LPP: variants seen among roughly 807,000 people sequenced by gnomAD.
LPP encodes the protein lipoma-preferred partner.
Under a neutral mutation model 60.4 loss-of-function variants are expected in LPP, and 38 were observed. The ratio of observed to expected loss-of-function variants is 0.63; its 90% CI spans 0.49 to 0.83. The LOEUF (loss-of-function observed/expected upper bound fraction) is 0.83, where lower values mean the gene tolerates loss of function less well. LPP is among the 40% of genes least tolerant of loss of function. The pLI is 0.00. For missense variants in LPP, 902 were observed against 783.6 expected, an observed-to-expected ratio of 1.15 and a Z score of -1.80; for synonymous variants, 328 against 290.8, an observed-to-expected ratio of 1.13 and a Z score of -1.30.
intron 4 of LPP, among the ~76,000 whole-genome samples, chr3:188,408,440 G>A (rs1367784105): frequency 6.6e-6 from 1 of 152,098 alleles, no homozygotes; most frequent in Non-Finnish European, 1.5e-5. Flanking sequence ...TACTCTCTAG[G>A]AACACTGAAG....
At chr3:188,725,303 G>A (rs1051258119) in intron 8 of LPP, 2 of 152,236 alleles carry the variant, frequency 1.3e-5, no homozygotes, top group Non-Finnish European at 2.9e-5. Context: ...GGCAGATCAA[G>A]CAAATACAAT....
intron 7 of LPP, among the ~76,000 whole-genome samples, chr3:188,660,450 G>A (rs914459984): frequency 2.0e-5 from 3 of 152,154 alleles, no homozygotes; most frequent in Non-Finnish European, 4.4e-5. Context: ...ACTCCTTTCA[G>A]GTAAATATTT....
Position 188,874,621 on chromosome 3 carries a change from G to GA in LPP, c.*143dup. The GA allele has an allele frequency of 1.0e-6, 1 of 962,662 alleles. No individual in the cohort carries two copies. Among genetic ancestry groups the GA allele is most frequent in the Non-Finnish European group, 1.5e-6 (1 of 677,594 alleles). The allele number at this position is 962,662 out of a possible 1,614,324, so 59.6% of individuals were successfully genotyped here. On this transcript the variant is annotated 3_prime_UTR_variant, in exon 12 of 12. Coordinates refer to ENST00000617246, the MANE Select transcript of LPP (RefSeq NM_001375462.1). ...CTTGCCTTAGAAACACATAAATTAT[G>GA]AGATTTTTTTTAAAAGTTGTTACCA...
intron 8 of LPP, among the ~76,000 whole-genome samples, chr3:188,755,377 G>A (rs959384802): frequency 2.0e-5 from 3 of 152,146 alleles, no homozygotes; most frequent in Non-Finnish European, 4.4e-5. Flanking sequence ...CTCAAAACAA[G>A]CACTGCTTGC....
chr3:188,786,689 C>T (rs1221164636), intron 9 of LPP, among the ~76,000 whole-genome samples: 1 of 152,140 alleles, frequency 6.6e-6, no homozygotes, highest in East Asian at 1.9e-4. Flanking sequence ...ACCCAGATGT[C>T]TTTCAACAGG....
At position 188,182,119 on chromosome 3, in the gene LPP, C is replaced by A. The variant is rs1253414667; in HGVS notation, c.-190+27867C>A. ...CTCGTGAGTCTTTCCAGCCTCAGCACATTTCCTGAGTGGTGCTTAATAGAT... is the reference window on the plus strand; with the variant it reads ...CTCGTGAGTCTTTCCAGCCTCAGCAAATTTCCTGAGTGGTGCTTAATAGAT... On this transcript the variant is annotated intron_variant, in intron 1 of 11. Transcript: ENST00000617246. This position sits in a 1 kb window ranked among gnomAD's most constrained non-coding sequence, Gnocchi z 4.4. 6.6e-6 allele frequency among the ~76,000 whole-genome samples: 1 copy of A among 152,190 alleles called. No homozygotes were observed. The highest frequency in any genetic ancestry group is 6.5e-5 in the Admixed American group (1 of 15,272).
chr3:188,368,088 G>A (rs912054212), intron 3 of LPP, among the ~76,000 whole-genome samples: 14 of 152,310 alleles, frequency 9.2e-5, no homozygotes, highest in African/African-American at 3.1e-4. Context: ...ATGAAATGTT[G>A]TTAGGAGGGG....
rs572148038 is a variant in LPP at position 188,363,499 on chromosome 3, A to G, written c.-10+21780A>G. On this transcript the variant is annotated intron_variant, in intron 3 of 11. Coordinates refer to ENST00000617246, the MANE Select transcript of LPP (RefSeq NM_001375462.1). ...CTGTAGGAGTTTCATATTTCCATCA[A>G]GGCAGCTCAGGTCCCTAGAGCATGA... Among the ~76,000 whole-genome samples the G allele has an allele frequency of 7.9e-5, 12 of 152,318 alleles. No homozygotes were observed. In the South Asian group the frequency reaches 2.5e-3, roughly 32 times the overall value.
At chr3:188,394,223 A>T (rs1780365427) in intron 3 of LPP, among the ~76,000 whole-genome samples, 1 of 152,208 alleles carries the variant, frequency 6.6e-6, no homozygotes, top group African/African-American at 2.4e-5. Context: ...AATTACCTGA[A>T]ATATATAAAG....
chr3:188,510,622 G>T (rs975940786), intron 5 of LPP, among the ~76,000 whole-genome samples: 1 of 152,072 alleles, frequency 6.6e-6, no homozygotes, highest in African/African-American at 2.4e-5. Context: ...CAGCACCTTG[G>T]GTAAGAGCCA....
intron 1 of LPP, among the ~76,000 whole-genome samples, chr3:188,173,183 T>G (rs1722065395): frequency 6.6e-6 from 1 of 152,172 alleles, no homozygotes; most frequent in South Asian, 2.1e-4. Context: ...TTCCTTAATA[T>G]TTAGAGAAGG....
intron 4 of LPP, among the ~76,000 whole-genome samples, chr3:188,437,709 C>T (rs1049244987): frequency 6.6e-6 from 1 of 152,106 alleles, no homozygotes; most frequent in Non-Finnish European, 1.5e-5. Context: ...GTAAGCATCC[C>T]AGAATTTATT....
At chr3:188,172,634 G>T (rs570818211) in intron 1 of LPP, among the ~76,000 whole-genome samples, 2 of 152,086 alleles carry the variant, frequency 1.3e-5, no homozygotes, top group Non-Finnish European at 2.9e-5. Flanking sequence ...AGTAAAAATT[G>T]TACAGGGAAT....
chr3:188,318,906 G>A (rs13088010), intron 2 of LPP, among the ~76,000 whole-genome samples: 2,885 of 150,008 alleles, frequency 0.019, 76 homozygotes, highest in East Asian at 0.11. Context: ...CTACAGGCGC[G>A]CGCCACTACG....
chr3:188,825,267 CTCTGTGTGTGTGTGTGTGTGTGTGTGTG>C (rs1755115916), intron 9 of LPP, among the ~76,000 whole-genome samples: 1 of 98,934 alleles, frequency 1.0e-5, no homozygotes, highest in African/African-American at 3.6e-5. Flanking sequence ...CTCTCTCTCT[CTCTGTGTGTGTGTGTGTGTGTGTGTGTG>C]TGTGTGTGTG....
chr3:188,698,571 G>A (rs1273056869), intron 7 of LPP, among the ~76,000 whole-genome samples: 1 of 151,592 alleles, frequency 6.6e-6, no homozygotes, highest in Non-Finnish European at 1.5e-5. Context: ...TGTGAATAAG[G>A]TTGGCAGGAG....
chr3:188,521,440 T>C (rs896809741), intron 5 of LPP, among the ~76,000 whole-genome samples: 1 of 152,170 alleles, frequency 6.6e-6, no homozygotes, highest in Non-Finnish European at 1.5e-5. Flanking sequence ...TGGTTAGATA[T>C]TGCAGTGACT....
chr3:188,214,218 C>T (rs1691555533), intron 1 of LPP, among the ~76,000 whole-genome samples: 1 of 152,042 alleles, frequency 6.6e-6, no homozygotes, highest in South Asian at 2.1e-4. Flanking sequence ...GCAACCTCCG[C>T]CTCCTGGGTT....
chr3:188,378,698 A>G (rs1394797872), intron 3 of LPP, among the ~76,000 whole-genome samples: 1 of 152,148 alleles, frequency 6.6e-6, no homozygotes, highest in Non-Finnish European at 1.5e-5. Context: ...CGGCTCGTGC[A>G]CGGTGCACTG....
Sources: gnomAD v4.1 joint callset for allele counts (sites outside exome capture counted in the v4.1 genomes callset) on GRCh38, gnomAD v4.1.1 for gene constraint, Gnocchi (gnomAD v3.1) non-coding constraint, MANE v1.5 for transcripts, NCBI Gene and HGNC (gene_info 2026-07-23, HGNC 2026-07-21) for gene names.